The following SPATA17 variants were observed in gnomAD, a reference collection of about 807,000 sequenced individuals.
The protein encoded by SPATA17 is spermatogenesis associated 17.
A neutral mutation model predicts 62.2 loss-of-function variants in SPATA17; 53 were observed. That is an observed-to-expected ratio of 0.85 (90% CI 0.68 to 1.07). The LOEUF is 1.07. Among genes scored for constraint, SPATA17 ranks in the 50% least tolerant of loss-of-function variants. The pLI, the probability that SPATA17 is intolerant of heterozygous loss-of-function variation, is 0.00. For missense variants in SPATA17, 466 were observed against 425.5 expected, an observed-to-expected ratio of 1.10 and a Z score of -0.84; for synonymous variants, 146 against 146.8, an observed-to-expected ratio of 0.99 and a Z score of 0.04.
At chr1:217,656,543 GATAT>G (rs937173076) in intron 3 of SPATA17, among the ~76,000 whole-genome samples, 1 of 132,864 alleles carries the variant, frequency 7.5e-6, no homozygotes, top group African/African-American at 2.9e-5. Flanking sequence ...GAATAGGTCT[GATAT>G]ATGTATGTAT....
At chr1:217,813,016 A>C (rs996157877) in intron 9 of SPATA17, among the ~76,000 whole-genome samples, 1 of 152,214 alleles carries the variant, frequency 6.6e-6, no homozygotes, top group Admixed American at 6.6e-5. Context: ...TTTCACATGC[A>C]TTTTGGTCCT....
intron 6 of SPATA17, among the ~76,000 whole-genome samples, chr1:217,768,042 C>T (rs539073213): frequency 1.2e-4 from 18 of 151,954 alleles, no homozygotes; most frequent in Non-Finnish European, 2.1e-4. Flanking sequence ...GTCAGGAGAT[C>T]GAGACCATCT....
chr1:217,689,957 G>A (rs1000820113), intron 5 of SPATA17, among the ~76,000 whole-genome samples: 18 of 150,336 alleles, frequency 1.2e-4, no homozygotes, highest in African/African-American at 4.4e-4. Context: ...AGGCTGCAGT[G>A]CAATGGCACA....
At chr1:217,671,167 T>C (rs1229481027) in intron 4 of SPATA17, among the ~76,000 whole-genome samples, 1 of 152,182 alleles carries the variant, frequency 6.6e-6, no homozygotes, top group Admixed American at 6.5e-5. Context: ...AATGATTAGC[T>C]GAGTTGCTTG....
At chr1:217,792,022 T>C (rs1674003988) in intron 8 of SPATA17, among the ~76,000 whole-genome samples, 1 of 152,016 alleles carries the variant, frequency 6.6e-6, no homozygotes, top group African/African-American at 2.4e-5. Context: ...AGAAGAAGAA[T>C]TGTCTTGGGC....
chr1:217,714,075 G>T (rs1313940559), intron 5 of SPATA17, among the ~76,000 whole-genome samples: 1 of 152,144 alleles, frequency 6.6e-6, no homozygotes, highest in Non-Finnish European at 1.5e-5. Context: ...AGGAAGACAT[G>T]ATATTGACCT....
At chr1:217,769,224 G>A (rs1247701969) in intron 6 of SPATA17, among the ~76,000 whole-genome samples, 1 of 152,166 alleles carries the variant, frequency 6.6e-6, no homozygotes, top group African/African-American at 2.4e-5. Context: ...AAATCAAAGT[G>A]TACCTTTCGT....
intron 5 of SPATA17, among the ~76,000 whole-genome samples, chr1:217,728,635 A>G (rs769746314): frequency 6.6e-6 from 1 of 152,158 alleles, no homozygotes; most frequent in Non-Finnish European, 1.5e-5. Flanking sequence ...AAAGAGTGGC[A>G]TATTTTCAGT....
chr1:217,813,634 A>T (rs1674646995), intron 9 of SPATA17, among the ~76,000 whole-genome samples: 1 of 152,144 alleles, frequency 6.6e-6, no homozygotes, highest in Non-Finnish European at 1.5e-5. Context: ...TCAATAATCA[A>T]ATACTCAGTT....
chr1:217,659,828 C>CAAAT (rs1670528311), intron 3 of SPATA17, among the ~76,000 whole-genome samples: 1 of 152,134 alleles, frequency 6.6e-6, no homozygotes, highest in South Asian at 2.1e-4. Context: ...TATTGGTCAT[C>CAAAT]AAATCATTTT....
chr1:217,756,658 C>T (rs1439829140), intron 6 of SPATA17, among the ~76,000 whole-genome samples: 1 of 152,176 alleles, frequency 6.6e-6, no homozygotes, highest in Non-Finnish European at 1.5e-5. Flanking sequence ...TCAGTTTCTT[C>T]AGAGATCAGG....
chr1:217,704,935 C>T (rs891276506), intron 5 of SPATA17, among the ~76,000 whole-genome samples: 1 of 152,194 alleles, frequency 6.6e-6, no homozygotes, highest in Non-Finnish European at 1.5e-5. Context: ...TGGGATTGCT[C>T]GGTTGAGTGG....
chr1:217,793,870 C>CT (rs1674067344), intron 8 of SPATA17, among the ~76,000 whole-genome samples: 1 of 151,994 alleles, frequency 6.6e-6, no homozygotes, highest in Non-Finnish European at 1.5e-5. Context: ...AATCTCAGCA[C>CT]TTTGGAAGGC....
chr1:217,661,109 G>T (rs760683802), intron 3 of SPATA17, among the ~76,000 whole-genome samples: 13 of 152,030 alleles, frequency 8.6e-5, no homozygotes, highest in African/African-American at 2.9e-4. Flanking sequence ...GGAGATAAAA[G>T]TTCTAGATCC....
At position 217,801,809 on chromosome 1, in the gene SPATA17, C is replaced by G. The variant is rs1015329236; in HGVS notation, c.964C>G (p.Gln322Glu). The G allele has an allele frequency of 6.2e-7, 1 of 1,610,922 alleles. No individual in the cohort carries two copies. The highest frequency in any genetic ancestry group is 8.5e-7 in the Non-Finnish European group (1 of 1,178,896). The change falls in exon 9 of 11, where the codon CAA (glutamine) becomes GAA (glutamate). Residue 322 changes from glutamine to glutamate, a missense_variant. Gln to Glu is a conservative substitution (Grantham distance 29). Coordinates refer to ENST00000366933, the MANE Select transcript of SPATA17 (RefSeq NM_138796.4). ...GTATGGTCCTATTTCTTACAAAGAACAATTCCGAAGTGAAAATCCTAAGAA... is the reference window on the plus strand; with the variant it reads ...GTATGGTCCTATTTCTTACAAAGAAGAATTCCGAAGTGAAAATCCTAAGAA... The part of the protein sequence containing the change: ...SKYGPISYKE[Q>E]FRSENPKKWI...
At chr1:217,704,859 GAACA>G (rs1671696370) in intron 5 of SPATA17, among the ~76,000 whole-genome samples, 1 of 152,082 alleles carries the variant, frequency 6.6e-6, no homozygotes, top group African/African-American at 2.4e-5. Context: ...GTACTGAGAC[GAACA>G]GACATGAGCA....
At chr1:217,799,904 G>A (rs1012355420) in intron 8 of SPATA17, among the ~76,000 whole-genome samples, 1 of 151,668 alleles carries the variant, frequency 6.6e-6, no homozygotes, top group Non-Finnish European at 1.5e-5. Context: ...TTTTTCTCAG[G>A]AGAATATTTT....
chr1:217,717,172 T>C (rs571980929), intron 5 of SPATA17, among the ~76,000 whole-genome samples: 1 of 151,864 alleles, frequency 6.6e-6, no homozygotes, highest in South Asian at 2.1e-4. Context: ...GCTAGAAAAC[T>C]AAAAACTCAC....
intron 5 of SPATA17, among the ~76,000 whole-genome samples, chr1:217,726,966 G>C (rs1193019911): frequency 6.6e-6 from 1 of 152,012 alleles, no homozygotes; most frequent in Non-Finnish European, 1.5e-5. Flanking sequence ...AAAAACTACT[G>C]TCGGGGAGCG....
Sources: allele counts gnomAD v4.1 joint callset (sites outside exome capture counted in the v4.1 genomes callset), GRCh38; gene constraint gnomAD v4.1.1; transcripts MANE v1.5; gene names NCBI Gene and HGNC (gene_info 2026-07-23, HGNC 2026-07-21).